The following AP2A2 variants were observed in gnomAD, a reference collection of about 807,000 sequenced individuals.
AP2A2 encodes AP-2 complex subunit alpha-2.
AP2A2 carries 32 observed loss-of-function variants against 104.2 expected under a neutral mutation model. That is an observed-to-expected ratio of 0.31 (90% CI 0.23 to 0.41). The LOEUF (loss-of-function observed/expected upper bound fraction) is 0.41. Ranked by LOEUF, AP2A2 falls within the 10% of genes least tolerant of loss-of-function variation. The pLI is 1.00. For missense variants in AP2A2, 912 were observed against 1,261.0 expected (o/e 0.72, Z 4.19); for synonymous variants, 539 against 533.3 (o/e 1.01, Z -0.15).
chr11:931,802 G>GTT (rs138261185), intron 1 of AP2A2, among the ~76,000 whole-genome samples: 78 of 125,126 alleles, frequency 6.2e-4, no homozygotes, highest in African/African-American at 1.4e-3. Flanking sequence ...TCCATTTCTT[G>GTT]TTTTTTTTTT....
In AP2A2 at chr11:985,188, G is replaced by A. The variant is rs1432877601; in HGVS notation, c.815-247G>A. Among the ~76,000 whole-genome samples the A allele has an allele frequency of 2.6e-5, 4 of 152,232 alleles. No homozygotes were observed. In the East Asian group the frequency reaches 7.7e-4, roughly 29 times the overall value. Reference sequence around the variant, plus strand: ...TGTAGAGACGGGGTTTCACCATGTTGGCCAGTCTGTTCTTGAACTCCTGAC... The same window carrying A: ...TGTAGAGACGGGGTTTCACCATGTTAGCCAGTCTGTTCTTGAACTCCTGAC... On this transcript the variant is annotated intron_variant, in intron 7 of 21. Coordinates refer to ENST00000448903, the MANE Select transcript of AP2A2 (RefSeq NM_012305.4).
At chr11:933,292 A>G (rs377215776) in intron 1 of AP2A2, among the ~76,000 whole-genome samples, 44 of 152,202 alleles carry the variant, frequency 2.9e-4, no homozygotes, top group African/African-American at 9.9e-4. Flanking sequence ...AAAAAACCCC[A>G]GAAATGAACA....
At chr11:927,652 C>A (rs540893496) in intron 1 of AP2A2, among the ~76,000 whole-genome samples, 2 of 151,536 alleles carry the variant, frequency 1.3e-5, no homozygotes, top group African/African-American at 4.8e-5. Flanking sequence ...CCTGTCTCTA[C>A]AAAAAAATAC....
chr11:957,350 A>C (rs1045920614), intron 1 of AP2A2, among the ~76,000 whole-genome samples: 23 of 152,156 alleles, frequency 1.5e-4, no homozygotes, highest in Non-Finnish European at 2.6e-4. Context: ...GCTGTGTACA[A>C]ATGGGACTGG....
At position 959,426 on chromosome 11, in the gene AP2A2, C is replaced by G; in HGVS notation, c.68-11C>G. 6.7e-7 allele frequency: 1 copy of G among 1,503,464 alleles called. No individual in the cohort carries two copies. Among genetic ancestry groups the G allele is most frequent in the Non-Finnish European group, 9.2e-7 (1 of 1,089,908 alleles). 93.1% of individuals were successfully genotyped at this position (1,503,464 alleles called of 1,614,324 possible). On this transcript the variant is annotated splice_polypyrimidine_tract_variant and intron_variant, in intron 1 of 21. Transcript: ENST00000448903. ...ATTAAAATAAAAATGGCTTTTTGTT[C>G]TTTTTTTTAGGTAAAAGTAAAGAAG...
At chr11:994,300 TTGG>T in intron 14 of AP2A2, 55 bp downstream of exon 14, 2 of 1,592,950 alleles carry the variant, frequency 1.3e-6, no homozygotes, top group East Asian at 2.2e-5. Flanking sequence ...CCCCCAAGAC[TTGG>T]GACCAGCAGA....
chr11:989,797 G>T (rs1589999992), intron 10 of AP2A2, among the ~76,000 whole-genome samples: 1 of 152,346 alleles, frequency 6.6e-6, no homozygotes, highest in Non-Finnish European at 1.5e-5. Context: ...GGATGGTGGG[G>T]TTTAAGGGGG....
intron 1 of AP2A2, among the ~76,000 whole-genome samples, chr11:957,978 G>A (rs1854291988): frequency 6.6e-6 from 1 of 152,262 alleles, no homozygotes; most frequent in African/African-American, 2.4e-5. Context: ...AAATGCATCA[G>A]TCCGTCTTTA....
intron 14 of AP2A2, among the ~76,000 whole-genome samples, chr11:997,420 A>G (rs1855890670): frequency 6.6e-6 from 1 of 152,156 alleles, no homozygotes; most frequent in Admixed American, 6.5e-5. Context: ...GTGGCCCAGG[A>G]GCCAGGCCTG....
intron 2 of AP2A2, among the ~76,000 whole-genome samples, chr11:960,490 G>A (rs778972916): frequency 2.0e-5 from 3 of 151,572 alleles, no homozygotes; most frequent in East Asian, 3.9e-4. Flanking sequence ...TGCCCGCCTC[G>A]GCCTCCCAAA....
intron 1 of AP2A2, among the ~76,000 whole-genome samples, chr11:937,712 G>A (rs1260859309): frequency 1.3e-5 from 2 of 152,248 alleles, no homozygotes; most frequent in African/African-American, 2.4e-5. Context: ...ATTGAATACT[G>A]TATGAAAGTG....
intron 10 of AP2A2, among the ~76,000 whole-genome samples, chr11:991,002 G>T (rs886202704): frequency 9.9e-5 from 14 of 141,082 alleles, no homozygotes; most frequent in Non-Finnish European, 1.8e-4. Context: ...CCTTTTAGCC[G>T]GGCATGGTGC....
chr11:964,138 A>C (rs528041755), intron 2 of AP2A2, among the ~76,000 whole-genome samples: 2 of 152,348 alleles, frequency 1.3e-5, no homozygotes, highest in East Asian at 3.9e-4. Flanking sequence ...GGGCAGAGTG[A>C]ACTGTCAGTG....
chr11:985,551 G>A lies in AP2A2; in HGVS notation c.931G>A (p.Glu311Lys), dbSNP rs1195479375. ...HSNAKNAVLF[E>K]AISLIIHHDS... is the part of the protein sequence containing the mutation. ...CAACGCGAAGAATGCCGTGCTCTTC[G>A]AGGCCATCAGCTTAATCATTCACCA... Residue 311 changes from glutamate (E) to lysine (K), a missense_variant, in exon 8 of 22, where the codon GAG becomes AAG. Coordinates refer to ENST00000448903, the MANE Select transcript of AP2A2 (RefSeq NM_012305.4). 1 of 1,613,930 alleles carries A rather than the reference G, an allele frequency of 6.2e-7. No individual in the cohort carries two copies. Among genetic ancestry groups the A allele is most frequent in the Non-Finnish European group, 8.5e-7 (1 of 1,179,884 alleles).
intron 3 of AP2A2, among the ~76,000 whole-genome samples, chr11:971,085 G>A (rs566160629): frequency 2.6e-5 from 4 of 152,338 alleles, no homozygotes; most frequent in African/African-American, 7.2e-5. Context: ...ATAAGTATTG[G>A]TGTTTATTCA....
chr11:1,000,513 G>A lies in AP2A2; in HGVS notation c.2038G>A (p.Gly680Ser), dbSNP rs982974460. ...APAGPPPSSG[G>S]SGLLVDVFSD... ...CGCGGGCCCCCCACCCTCCTCCGGC[G>A]GCAGCGGGCTGCTCGTGGACGTGTT... The change falls in exon 15 of 22, where the codon GGC (glycine) becomes AGC (serine). Residue 680 changes from glycine (G) to serine (S), a missense_variant. By Grantham distance (56) the Gly-to-Ser change is moderately conservative. Coordinates refer to ENST00000448903, the MANE Select transcript of AP2A2 (RefSeq NM_012305.4). 9.7e-6 allele frequency: 15 copies of A among 1,541,752 alleles called. No individual in the cohort carries two copies. The highest frequency in any genetic ancestry group is 2.7e-5 in the African/African-American group (2 of 73,242).
chr11:1,006,874 G>T (rs111317734), intron 17 of AP2A2: 13,307 of 477,096 alleles, frequency 0.028, 238 homozygotes, highest in Non-Finnish European at 0.036. Flanking sequence ...CCTTCCATCT[G>T]GCCAGTGTGA....
rs543796554 is a variant in AP2A2 at position 992,492 on chromosome 11, G to C, written c.1270-11G>C. Reference sequence around the variant, plus strand: ...TGCAGGTGCCGGCCCTCAGCAGCCTGTCCCCCACAGGTGCTGAAGGTCGCC... The same window carrying C: ...TGCAGGTGCCGGCCCTCAGCAGCCTCTCCCCCACAGGTGCTGAAGGTCGCC... On this transcript the variant is annotated splice_polypyrimidine_tract_variant and intron_variant, in intron 10 of 21. Coordinates refer to ENST00000448903, the MANE Select transcript of AP2A2 (RefSeq NM_012305.4). The surrounding 1 kb of genome is among the most constrained non-coding windows in gnomAD (Gnocchi z 6.4). 1.9e-4 allele frequency: 295 copies of C among 1,575,348 alleles called. 2 individuals are homozygous for C. In the South Asian group the frequency reaches 3.2e-3, roughly 17 times the overall value.
At position 994,635 on chromosome 11, in the gene AP2A2, C is replaced by T. The variant is rs531723521; in HGVS notation, c.1956+390C>T. ...CCTGCTGCACACCCTGCTGGCCTGT[C>T]CCGGGGGCCACTGTCCCTGCTGGAT... On this transcript the variant is annotated intron_variant, in intron 14 of 21. Transcript: ENST00000448903. Among the ~76,000 whole-genome samples the T allele has an allele frequency of 4.2e-5, 6 of 144,172 alleles. 1 individual carries two copies. The East Asian group carries it at 1.3e-3, about 31-fold the overall frequency. The allele number at this position is 144,172 out of a possible 152,430, so 94.6% of individuals were successfully genotyped here. A position where few individuals can be genotyped will look rare whatever the true frequency, so the allele number is the denominator to read the frequency against.
Sources: gnomAD v4.1 joint callset for allele counts (sites outside exome capture counted in the v4.1 genomes callset) on GRCh38, gnomAD v4.1.1 for gene constraint, Gnocchi (gnomAD v3.1) non-coding constraint, MANE v1.5 for transcripts, NCBI Gene and HGNC (gene_info 2026-07-23, HGNC 2026-07-21) for gene names.